The following SLC1A4 variants were observed in gnomAD, a reference collection of about 807,000 sequenced individuals.
SLC1A4 encodes solute carrier family 1 member 4.
Under a neutral mutation model 37.7 loss-of-function variants are expected in SLC1A4, and 19 were observed. That is an observed-to-expected ratio of 0.50 (90% CI 0.35 to 0.74). The LOEUF is 0.74. Ranked by LOEUF, SLC1A4 falls within the 30% of genes least tolerant of loss-of-function variation. The pLI, the probability that SLC1A4 is intolerant of heterozygous loss-of-function variation, is 0.01. For synonymous variants in SLC1A4, 299 were observed against 309.8 expected (o/e 0.97, Z 0.37); for missense variants, 570 against 712.9 (o/e 0.80, Z 2.28).
Position 65,021,696 on chromosome 2 carries a change from T to C in SLC1A4, c.*550T>C, listed in dbSNP as rs1674433550. Reference sequence around the variant, plus strand: ...TGTGGATAGCTTCTGATCCCTGGGTTCTGGGAGACTGCAGGTGCCGCACAT... The same window carrying C: ...TGTGGATAGCTTCTGATCCCTGGGTCCTGGGAGACTGCAGGTGCCGCACAT... On this transcript the variant is annotated 3_prime_UTR_variant, in exon 8 of 8. Coordinates refer to ENST00000234256, the MANE Select transcript of SLC1A4 (RefSeq NM_003038.5). 6.5e-6 allele frequency: 1 copy of C among 154,122 alleles called. No individual in the cohort carries two copies. 9.5% of individuals were successfully genotyped at this position (154,122 alleles called of 1,614,324 possible).
intron 1 of SLC1A4, chr2:65,000,803 A>G (rs1673426339): frequency 6.6e-6 from 1 of 152,242 alleles, no homozygotes; most frequent in Non-Finnish European, 1.5e-5. Flanking sequence ...GAGGGCCTTG[A>G]GATAATTCAT....
At chr2:65,007,303 T>C (rs1236911862) in intron 3 of SLC1A4, among the ~76,000 whole-genome samples, 3 of 151,906 alleles carry the variant, frequency 2.0e-5, no homozygotes, top group African/African-American at 7.3e-5. Context: ...TGGTGATGGG[T>C]ACTATTTTAG....
Position 64,989,688 on chromosome 2 carries a change from G to A in SLC1A4, c.45G>A (p.Gln15=), listed in dbSNP as rs948321095. ...NETNGYLDSA[Q]AGPAAGPGAP... The stretch of plus-strand genomic sequence containing the variant: ...CCAACGGCTACCTTGACAGCGCTCA[G>A]GCGGGGCCTGCGGCCGGGCCCGGAG... Residue 15 remains glutamine, a synonymous_variant, in exon 1 of 8, where the codon CAG becomes CAA. Transcript: ENST00000234256. 6.5e-7 allele frequency: 1 copy of A among 1,539,666 alleles called. No individual in the cohort carries two copies. Among genetic ancestry groups the A allele is most frequent in the African/African-American group, 1.4e-5 (1 of 69,546 alleles).
At chr2:65,013,018 C>A (rs969056921) in intron 4 of SLC1A4, among the ~76,000 whole-genome samples, 1 of 152,124 alleles carries the variant, frequency 6.6e-6, no homozygotes, top group African/African-American at 2.4e-5. Flanking sequence ...ACAGGCTATA[C>A]AGGAAGCATG....
chr2:64,995,113 C>A (rs1450369273), intron 1 of SLC1A4, among the ~76,000 whole-genome samples: 1 of 152,140 alleles, frequency 6.6e-6, no homozygotes, highest in Non-Finnish European at 1.5e-5. Context: ...TTGACCATTT[C>A]TTTTACCTCC....
upstream of SLC1A4, chr2:64,989,377 G>C (rs190671980): frequency 1.5e-5 from 5 of 334,274 alleles, no homozygotes; most frequent in Admixed American, 9.9e-5. Context: ...CTGCGTCCGC[G>C]TTCGCGGCTC....
At chr2:65,001,334 C>A in intron 1 of SLC1A4, 114 bp from the exon 2 acceptor site, 2 of 931,174 alleles carry the variant, frequency 2.1e-6, no homozygotes, top group Non-Finnish European at 3.4e-6. Flanking sequence ...CCCAAAAGTT[C>A]AAGGCTGCAG....
rs1222470321 is a variant in SLC1A4 at position 64,989,878 on chromosome 2, G to A, written c.235G>A (p.Gly79Ser). Residue 79 changes from glycine to serine, a missense_variant, in exon 1 of 8, where the codon GGC becomes AGC. Transcript: ENST00000234256. ...GCAGGTCACCTACCTGGCCTTCCCC[G>A]GCGAGATGCTGCTCCGCATGCTGCG... ...RTQVTYLAFP[G>S]EMLLRMLRMI... 1 of 1,544,754 alleles carries A rather than the reference G, an allele frequency of 6.5e-7. No homozygotes were observed. The highest frequency in any genetic ancestry group is 1.2e-5 in the South Asian group (1 of 84,392).
intron 1 of SLC1A4, 67 bp downstream of exon 1, chr2:64,990,237 A>G: frequency 1.4e-6 from 2 of 1,380,288 alleles, no homozygotes; most frequent in Non-Finnish European, 2.0e-6. Flanking sequence ...TCCAGTTCAT[A>G]CACCCATATG....
Position 64,990,067 on chromosome 2 carries a change from G to C in SLC1A4, c.424G>C (p.Gly142Arg). The stretch of plus-strand genomic sequence containing the variant: ...GGCCTTGGCGTTCATCATCAAGCCA[G>C]GATCCGGTGCGCAGACCCTTCAGTC... ...AVALAFIIKP[G>R]SGAQTLQSSD... Residue 142 changes from glycine to arginine, a missense_variant, in exon 1 of 8, where the codon GGA (glycine) becomes CGA (arginine). Physicochemically the swap from Gly to Arg is moderately radical, Grantham distance 125. Coordinates refer to ENST00000234256, the MANE Select transcript of SLC1A4 (RefSeq NM_003038.5). 6.2e-7 allele frequency: 1 copy of C among 1,608,506 alleles called. No individual in the cohort carries two copies. Among genetic ancestry groups the C allele is most frequent in the Non-Finnish European group, 8.5e-7 (1 of 1,177,684 alleles).
chr2:65,016,640 C>T lies in SLC1A4; in HGVS notation c.1001C>T (p.Ala334Val), dbSNP rs1674149424. 3 of 1,614,154 alleles carry T rather than the reference C, an allele frequency of 1.9e-6. No homozygotes were observed. The highest frequency in any genetic ancestry group is 4.5e-5 in the East Asian group (2 of 44,882). Reference protein sequence around the residue: ...NPFRFLLGLLAPFATAFATCS... With the variant: ...NPFRFLLGLLVPFATAFATCS... ...TTCAGATTCCTCCTGGGCCTCCTCG[C>T]CCCATTTGCGACAGCATTTGCTACC... Residue 334 changes from alanine (A) to valine (V), a missense_variant, in exon 5 of 8, where the codon GCC (alanine) becomes GTC (valine). Physicochemically the swap from Ala to Val is moderately conservative, Grantham distance 64. Coordinates refer to ENST00000234256, the MANE Select transcript of SLC1A4 (RefSeq NM_003038.5).
At position 64,989,619 on chromosome 2, in the gene SLC1A4, C is replaced by T; in HGVS notation, c.-25C>T. 2 of 1,471,906 alleles carry T rather than the reference C, an allele frequency of 1.4e-6. No homozygotes were observed. Among genetic ancestry groups the T allele is most frequent in the Non-Finnish European group, 1.8e-6 (2 of 1,117,338 alleles). 91.2% of individuals were successfully genotyped at this position (1,471,906 alleles called of 1,614,324 possible). Reference sequence around the variant, plus strand: ...CCAGAGCCCACGTCCCCTGCCACCTCTAGCTCGGAGCGGCGTGTAGCGCCA... The same window carrying T: ...CCAGAGCCCACGTCCCCTGCCACCTTTAGCTCGGAGCGGCGTGTAGCGCCA... On this transcript the variant is annotated 5_prime_UTR_variant, in exon 1 of 8. Coordinates refer to ENST00000234256, the MANE Select transcript of SLC1A4 (RefSeq NM_003038.5).
chr2:65,000,381 T>A, intron 1 of SLC1A4: 1 of 152,158 alleles, frequency 6.6e-6, no homozygotes, highest in Non-Finnish European at 1.5e-5. Flanking sequence ...TTTCAAAATA[T>A]CAATATGATG....
In SLC1A4 at chr2:65,021,038, C is replaced by A; in HGVS notation, c.1491C>A (p.Ile497=). ...TTGCTGAGGTGAAAGTGGAAGCCAT[C>A]CCCAACTGCAAGTCTGAGGAGGAGA... is the stretch of plus-strand genomic sequence containing the variant. ...QELAEVKVEA[I]PNCKSEEETS... is the part of the protein sequence containing the mutation. Residue 497 remains isoleucine, a synonymous_variant, in exon 8 of 8, where the codon ATC becomes ATA. Transcript: ENST00000234256. 6.2e-7 allele frequency: 1 copy of A among 1,614,232 alleles called. No homozygotes were observed.
chr2:64,989,053 G>A (rs1352285354), upstream of SLC1A4, among the ~76,000 whole-genome samples: 1 of 152,126 alleles, frequency 6.6e-6, no homozygotes, highest in Non-Finnish European at 1.5e-5. Flanking sequence ...GGCCCGGCAG[G>A]TGCCAAGGAG....
rs114254883 is a variant in SLC1A4 at position 65,003,400 on chromosome 2, G to A, written c.571-553G>A. Among the ~76,000 whole-genome samples, 1,155 of 152,328 alleles carry A rather than the reference G, an allele frequency of 7.6e-3. 9 individuals are homozygous for A. Among genetic ancestry groups the A allele is most frequent in the Non-Finnish European group, 0.013 (916 of 68,034 alleles). ...AAGACGTCTCACTTCTGATAACTGA[G>A]TCCCCCTGAAGACTCAGTTAGATGA... is the stretch of plus-strand genomic sequence containing the variant. On this transcript the variant is annotated intron_variant, in intron 2 of 7. Transcript: ENST00000234256.
Position 65,021,413 on chromosome 2 carries a change from ACC to A in SLC1A4, c.*270_*271del. On this transcript the variant is annotated 3_prime_UTR_variant, in exon 8 of 8. Coordinates refer to ENST00000234256, the MANE Select transcript of SLC1A4 (RefSeq NM_003038.5). ...TACACCAGGGATCTGTTTGGAAACA[ACC>A]CCTTGAGCTGCCAGGCTCAAGAAAT... 1 of 463,552 alleles carries A rather than the reference ACC, an allele frequency of 2.2e-6. No homozygotes were observed. The highest frequency in any genetic ancestry group is 2.0e-5 in the African/African-American group (1 of 51,216). The allele number at this position is 463,552 out of a possible 1,614,324, so 28.7% of individuals were successfully genotyped here.
Position 65,000,289 on chromosome 2 carries a change from T to C in SLC1A4, c.528-1159T>C, listed in dbSNP as rs942077368. ...CAGATTTTGGGCTCCATCAGCTCGA[T>C]TGCCCTACTTTTATAACAAATGTTT... On this transcript the variant is annotated intron_variant, in intron 1 of 7. Transcript: ENST00000234256. 3.9e-5 allele frequency: 6 copies of C among 152,224 alleles called. No individual in the cohort carries two copies. In the East Asian group the frequency reaches 1.2e-3, roughly 29 times the overall value. The allele number at this position is 152,224 out of a possible 1,614,324, so 9.4% of individuals were successfully genotyped here.
At position 64,990,059 on chromosome 2, in the gene SLC1A4, T is replaced by C. The variant is rs1257535746; in HGVS notation, c.416T>C (p.Ile139Thr). The C allele has an allele frequency of 2.5e-6, 4 of 1,607,794 alleles. No individual in the cohort carries two copies. The African/African-American group carries it at 4.0e-5, about 16-fold the overall frequency. The change falls in exon 1 of 8, where the codon ATC (isoleucine) becomes ACC (threonine). Residue 139 changes from isoleucine (I) to threonine (T), a missense_variant. Physicochemically the swap from Ile to Thr is moderately conservative, Grantham distance 89. Transcript: ENST00000234256. ...CTCGCCGTGGCCTTGGCGTTCATCATCAAGCCAGGATCCGGTGCGCAGACC... is the reference window on the plus strand; with the variant it reads ...CTCGCCGTGGCCTTGGCGTTCATCACCAAGCCAGGATCCGGTGCGCAGACC... ...SALAVALAFI[I>T]KPGSGAQTLQ...
Sources: allele counts gnomAD v4.1 joint callset (sites outside exome capture counted in the v4.1 genomes callset), GRCh38; gene constraint gnomAD v4.1.1; transcripts MANE v1.5; gene names NCBI Gene and HGNC (gene_info 2026-07-23, HGNC 2026-07-21).